Variants in LDLRAD4 observed in about 807,000 individuals in gnomAD.
The protein encoded by LDLRAD4 is low density lipoprotein receptor class A domain containing 4, also known as low-density lipoprotein receptor class A domain-containing protein 4.
LDLRAD4 carries 5 observed loss-of-function variants against 17.0 expected under a neutral mutation model. The ratio of observed to expected loss-of-function variants is 0.29; its 90% CI spans 0.15 to 0.62. The LOEUF (loss-of-function observed/expected upper bound fraction) is 0.62, where lower values mean the gene tolerates loss of function less well. LDLRAD4 is among the 20% of genes least tolerant of loss of function. The pLI is 0.84. For missense variants in LDLRAD4, 340 were observed against 424.7 expected, an observed-to-expected ratio of 0.80 and a Z score of 1.75; for synonymous variants, 168 against 171.8, an observed-to-expected ratio of 0.98 and a Z score of 0.17.
In LDLRAD4 at chr18:13,418,304, C is replaced by T. The variant is rs554590771; in HGVS notation, c.41-19940C>T. ...CACCTGCCTTCAGGGCCTGGCTGGG[C>T]GCCATCCTTATAGGGAGCCTCTCAT... On this transcript the variant is annotated intron_variant, in intron 2 of 5. Coordinates refer to ENST00000359446, the Ensembl canonical transcript of LDLRAD4. Among the ~76,000 whole-genome samples, 5 of 152,378 alleles carry T rather than the reference C, an allele frequency of 3.3e-5. No homozygotes were observed. The South Asian group carries it at 6.2e-4, about 19-fold the overall frequency.
At chr18:13,551,691 T>C (rs1019601150) in intron 3 of LDLRAD4, among the ~76,000 whole-genome samples, 1 of 151,576 alleles carries the variant, frequency 6.6e-6, no homozygotes, top group African/African-American at 2.4e-5. Flanking sequence ...CAGAGGGAAT[T>C]TGGGGGAAAC....
At position 13,400,588 on chromosome 18, in the gene LDLRAD4, T is replaced by C. The variant is rs372431196; in HGVS notation, c.40+12826T>C. Among the ~76,000 whole-genome samples the C allele has an allele frequency of 1.1e-4, 16 of 152,258 alleles. No homozygotes were observed. In the South Asian group the frequency reaches 3.3e-3, roughly 32 times the overall value. On this transcript the variant is annotated intron_variant, in intron 2 of 5. Transcript: ENST00000359446. ...GGGAGGAGACGGTGAAAAGAGTGTTTATGATTGGAGCTCAGGACTGGAGAG... is the reference window on the plus strand; with the variant it reads ...GGGAGGAGACGGTGAAAAGAGTGTTCATGATTGGAGCTCAGGACTGGAGAG...
At chr18:13,532,531 G>A (rs2094144043) in intron 3 of LDLRAD4, among the ~76,000 whole-genome samples, 1 of 152,132 alleles carries the variant, frequency 6.6e-6, no homozygotes, top group South Asian at 2.1e-4. Context: ...AAGTGGGAGG[G>A]AGGCGGAGGA....
intron 3 of LDLRAD4, among the ~76,000 whole-genome samples, chr18:13,484,846 G>C (rs1254056481): frequency 1.3e-5 from 2 of 152,128 alleles, no homozygotes; most frequent in African/African-American, 4.8e-5. Flanking sequence ...AAATATCCCT[G>C]GTGGTTATAC....
intron 1 of LDLRAD4, among the ~76,000 whole-genome samples, chr18:13,221,394 G>A (rs2145321336): frequency 6.6e-6 from 1 of 152,186 alleles, no homozygotes; most frequent in Admixed American, 6.5e-5. Context: ...ATGTCAAAGA[G>A]ACTTTCTGCC....
intron 3 of LDLRAD4, chr18:13,522,781 T>A (rs2093971999): frequency 6.5e-6 from 1 of 152,874 alleles, no homozygotes; most frequent in Non-Finnish European, 1.5e-5. Flanking sequence ...CAGCAGTAAA[T>A]CCTAGGGTGT....
intron 4 of LDLRAD4, among the ~76,000 whole-genome samples, chr18:13,630,511 G>A (rs1269975816): frequency 1.3e-5 from 2 of 152,202 alleles, no homozygotes; most frequent in African/African-American, 4.8e-5. Flanking sequence ...TCTCACTGTG[G>A]AACAGGGGAA....
At chr18:13,625,470 T>C (rs1318199273) in intron 4 of LDLRAD4, among the ~76,000 whole-genome samples, 1 of 152,130 alleles carries the variant, frequency 6.6e-6, no homozygotes, top group East Asian at 1.9e-4. Context: ...GGTTTTCCAC[T>C]TTGACCACAA....
intron 1 of LDLRAD4, among the ~76,000 whole-genome samples, chr18:13,363,937 C>T (rs1270663015): frequency 6.6e-6 from 1 of 152,160 alleles, no homozygotes; most frequent in Non-Finnish European, 1.5e-5. Context: ...ATGTACTATG[C>T]TTGTTTCTTG....
chr18:13,632,152 T>C (rs1206090490), intron 4 of LDLRAD4, among the ~76,000 whole-genome samples: 3 of 152,260 alleles, frequency 2.0e-5, no homozygotes, highest in Non-Finnish European at 2.9e-5. Context: ...AGAAATAGTA[T>C]TGTCACAGGA....
chr18:13,271,956 C>A (rs144710943), intron 1 of LDLRAD4, among the ~76,000 whole-genome samples: 1 of 138,038 alleles, frequency 7.2e-6, no homozygotes, highest in East Asian at 2.2e-4. Flanking sequence ...AGTGCAGTGG[C>A]ACAATCTCGG....
At chr18:13,350,758 C>T (rs11080645) in intron 1 of LDLRAD4, among the ~76,000 whole-genome samples, 148,230 of 152,314 alleles carry the variant, frequency 0.97, 72,259 homozygotes, top group East Asian at 1. Context: ...GTTTTAATGG[C>T]TTGAGGTTTT....
At chr18:13,348,923 G>A (rs923486050) in intron 1 of LDLRAD4, among the ~76,000 whole-genome samples, 5 of 152,196 alleles carry the variant, frequency 3.3e-5, no homozygotes, top group African/African-American at 1.2e-4. Flanking sequence ...CATTGGAAAA[G>A]CGCAGCATTA....
chr18:13,273,341 C>G (rs566976264), upstream of LDLRAD4, among the ~76,000 whole-genome samples: 3 of 152,230 alleles, frequency 2.0e-5, no homozygotes, highest in African/African-American at 7.2e-5. Context: ...CACTTTGTTG[C>G]CCAGGCTGGA....
chr18:13,356,959 T>G (rs1181022115), intron 1 of LDLRAD4, among the ~76,000 whole-genome samples: 2 of 151,972 alleles, frequency 1.3e-5, no homozygotes, highest in Non-Finnish European at 2.9e-5. Flanking sequence ...CATCGTGAAA[T>G]CTTGTCTCTA....
In LDLRAD4 at chr18:13,385,092, A is replaced by G. The variant is rs190179455; in HGVS notation, c.-382-2249A>G. On this transcript the variant is annotated intron_variant, in intron 1 of 5. Coordinates refer to ENST00000359446, the Ensembl canonical transcript of LDLRAD4. Reference sequence around the variant, plus strand: ...TTCCGAAATGGCTGTACCAGTCTCCATTCTCACCAACAGTGTACACGGGTT... The same window carrying G: ...TTCCGAAATGGCTGTACCAGTCTCCGTTCTCACCAACAGTGTACACGGGTT... Among the ~76,000 whole-genome samples, 59 of 152,342 alleles carry G rather than the reference A, an allele frequency of 3.9e-4. 1 individual carries two copies. The East Asian group carries it at 9.4e-3, about 24-fold the overall frequency.
chr18:13,506,285 T>G (rs1185200417), intron 3 of LDLRAD4, among the ~76,000 whole-genome samples: 1 of 151,722 alleles, frequency 6.6e-6, no homozygotes, highest in Non-Finnish European at 1.5e-5. Flanking sequence ...TTTTGTTACA[T>G]ATGTGTACAT....
rs568520407 is a variant in LDLRAD4, at chr18:13,359,367, T to A, written c.-382-27974T>A. On this transcript the variant is annotated intron_variant, in intron 1 of 5. Transcript: ENST00000359446. The stretch of plus-strand genomic sequence containing the variant: ...TTAGCATAGCTTGAAATGATCAGTC[T>A]GGGGCCTGTGGGTGCAAGGTACAGG... 3.3e-5 allele frequency among the ~76,000 whole-genome samples: 5 copies of A among 152,186 alleles called. No homozygotes were observed. In the South Asian group the frequency reaches 8.3e-4, roughly 25 times the overall value.
At chr18:13,652,351 G>T (rs2043281900) in exon 6 of LDLRAD4, 1 of 152,084 alleles carries the variant, frequency 6.6e-6, no homozygotes, top group South Asian at 2.1e-4. Context: ...CTAGTTTAAG[G>T]CTATTTTAAA....
Sources: allele counts gnomAD v4.1 joint callset (sites outside exome capture counted in the v4.1 genomes callset), GRCh38; gene constraint gnomAD v4.1.1; transcripts MANE v1.5; gene names NCBI Gene and HGNC (gene_info 2026-07-23, HGNC 2026-07-21).